RFWD3: variants seen among roughly 807,000 people sequenced by gnomAD.
RFWD3 encodes the protein ring finger and WD repeat domain 3.
A neutral mutation model predicts 87.7 loss-of-function variants in RFWD3; 65 were observed. That is an observed-to-expected ratio of 0.74 (90% CI 0.61 to 0.91). The LOEUF is 0.91. Ranked by LOEUF, RFWD3 falls within the 40% of genes least tolerant of loss-of-function variation. RFWD3 has a pLI of 0.00. For missense variants in RFWD3, 1,078 were observed against 938.5 expected (o/e 1.15, Z -1.94); for synonymous variants, 433 against 352.8 (o/e 1.23, Z -2.55).
chr16:74,659,786 C>T (rs1961284783), intron 2 of RFWD3, among the ~76,000 whole-genome samples: 2 of 152,136 alleles, frequency 1.3e-5, no homozygotes, highest in Admixed American at 1.3e-4. Context: ...CCAATTCCAG[C>T]CTTATCACAA....
intron 3 of RFWD3, among the ~76,000 whole-genome samples, chr16:74,650,287 C>T (rs1960463214): frequency 6.6e-6 from 1 of 151,330 alleles, no homozygotes; most frequent in Non-Finnish European, 1.5e-5. Flanking sequence ...TATCTTGTTC[C>T]TCCACCCCCG....
chr16:74,656,680 A>C (rs1047919119), intron 2 of RFWD3, among the ~76,000 whole-genome samples: 6 of 151,692 alleles, frequency 4.0e-5, no homozygotes, highest in Admixed American at 3.3e-4. Context: ...TTGGTCTTGA[A>C]CTCCTGAGCT....
chr16:74,663,482 G>C (rs1013373136), intron 1 of RFWD3, among the ~76,000 whole-genome samples: 3 of 152,166 alleles, frequency 2.0e-5, no homozygotes, highest in African/African-American at 7.2e-5. Flanking sequence ...ACCTAAAAAA[G>C]CAGTTTCCCT....
chr16:74,640,294 TGC>T (rs1959520812), intron 6 of RFWD3, among the ~76,000 whole-genome samples: 1 of 151,828 alleles, frequency 6.6e-6, no homozygotes, highest in Non-Finnish European at 1.5e-5. Context: ...TACAGGTGTG[TGC>T]CACCACGCCC....
chr16:74,651,146 T>C (rs1894011113), intron 3 of RFWD3, among the ~76,000 whole-genome samples: 8 of 152,186 alleles, frequency 5.3e-5, no homozygotes, highest in Admixed American at 4.6e-4. Context: ...TGGTAAAATA[T>C]ACTGAAAGAG....
chr16:74,663,910 G>A (rs1349149952), intron 1 of RFWD3, among the ~76,000 whole-genome samples: 1 of 152,134 alleles, frequency 6.6e-6, no homozygotes, highest in Non-Finnish European at 1.5e-5. Context: ...GAGAAGGGCT[G>A]GTTAAAAGCC....
intron 6 of RFWD3, among the ~76,000 whole-genome samples, chr16:74,642,559 G>A (rs1197052245): frequency 6.6e-6 from 1 of 152,048 alleles, no homozygotes; most frequent in Non-Finnish European, 1.5e-5. Flanking sequence ...AGAGTGCAGT[G>A]GCATGACCAT....
At chr16:74,660,812 T>C in intron 2 of RFWD3, 120 bp downstream of exon 2, 4 of 1,070,220 alleles carry the variant, frequency 3.7e-6, no homozygotes, top group East Asian at 4.8e-5. Context: ...TATGAGGAAC[T>C]GGGGGTCAGA....
At chr16:74,625,948 G>A (rs936783329) in intron 12 of RFWD3, among the ~76,000 whole-genome samples, 1 of 152,310 alleles carries the variant, frequency 6.6e-6, no homozygotes, top group Admixed American at 6.5e-5. Context: ...CACTTTGGGA[G>A]GCCAAGGCCG....
In RFWD3 at chr16:74,623,876, C is replaced by G; in HGVS notation, c.*52G>C. 8.1e-6 allele frequency: 13 copies of G among 1,598,188 alleles called. No homozygotes were observed. Among genetic ancestry groups the G allele is most frequent in the Non-Finnish European group, 1.1e-5 (13 of 1,168,650 alleles). On this transcript the variant is annotated 3_prime_UTR_variant, in exon 13 of 13. Transcript: ENST00000361070. Reference sequence around the variant, plus strand: ...GGATCTTGCTTGGGGCTGCTAGGCGCTAGCAAACAACATCTAACCAGCAGC... The same window carrying G: ...GGATCTTGCTTGGGGCTGCTAGGCGGTAGCAAACAACATCTAACCAGCAGC...
chr16:74,662,557 G>GA (rs901912363), intron 1 of RFWD3, among the ~76,000 whole-genome samples: 30 of 152,208 alleles, frequency 2.0e-4, no homozygotes, highest in African/African-American at 7.0e-4. Context: ...AATTGTGAGG[G>GA]AAGTACTCTT....
chr16:74,627,994 G>C (rs1958986745), intron 11 of RFWD3, among the ~76,000 whole-genome samples: 1 of 152,212 alleles, frequency 6.6e-6, no homozygotes. Flanking sequence ...TCTGATTCCA[G>C]AGGCAGAGAT....
chr16:74,661,546 T>A, intron 1 of RFWD3, 95 bp from the exon 2 acceptor site: 1 of 1,165,980 alleles, frequency 8.6e-7, no homozygotes, highest in Non-Finnish European at 1.2e-6. Flanking sequence ...ATTTTATGTT[T>A]AATATCATTC....
chr16:74,637,469 G>A (rs964579944), intron 7 of RFWD3, among the ~76,000 whole-genome samples: 2 of 151,934 alleles, frequency 1.3e-5, no homozygotes, highest in Non-Finnish European at 2.9e-5. Context: ...TCTACTAAAA[G>A]TACAAAAATT....
chr16:74,638,565 G>A (rs1803408678), intron 6 of RFWD3, among the ~76,000 whole-genome samples: 1 of 152,076 alleles, frequency 6.6e-6, no homozygotes, highest in African/African-American at 2.4e-5. Flanking sequence ...TTCCACTCCA[G>A]TAAGATATGC....
intron 6 of RFWD3, among the ~76,000 whole-genome samples, chr16:74,638,508 T>G (rs1959345768): frequency 6.6e-6 from 1 of 152,136 alleles, no homozygotes; most frequent in Non-Finnish European, 1.5e-5. Context: ...AATATATATT[T>G]GTATGTACCT....
At chr16:74,625,600 C>T (rs1460473918) in intron 12 of RFWD3, among the ~76,000 whole-genome samples, 3 of 151,674 alleles carry the variant, frequency 2.0e-5, no homozygotes, top group Non-Finnish European at 2.9e-5. Context: ...GTTGTGGAAG[C>T]CAGATCAGCT....
intron 6 of RFWD3, among the ~76,000 whole-genome samples, chr16:74,639,885 C>T (rs1890024364): frequency 1.3e-5 from 2 of 152,116 alleles, no homozygotes; most frequent in South Asian, 4.1e-4. Flanking sequence ...TGATCAACCA[C>T]AACCTACAAA....
intron 4 of RFWD3, among the ~76,000 whole-genome samples, chr16:74,646,145 CAGG>C (rs945012735): frequency 2.6e-5 from 4 of 152,176 alleles, no homozygotes; most frequent in African/African-American, 4.8e-5. Context: ...GAGGCCAAGG[CAGG>C]AGGATTCCTT....
Sources: gnomAD v4.1 joint callset for allele counts (sites outside exome capture counted in the v4.1 genomes callset) on GRCh38, gnomAD v4.1.1 for gene constraint, MANE v1.5 for transcripts, NCBI Gene and HGNC (gene_info 2026-07-23, HGNC 2026-07-21) for gene names.